ADGRE2: variants seen among roughly 807,000 people sequenced by gnomAD.
ADGRE2 encodes the protein adhesion G protein-coupled receptor E2, also known as CD97 antigen.
In ADGRE2, 83 loss-of-function variants were observed where a neutral mutation model predicts 100.8. That is an observed-to-expected ratio of 0.82 (90% CI 0.69 to 0.99). ADGRE2 has a LOEUF of 0.99. Among genes scored for constraint, ADGRE2 ranks in the 50% least tolerant of loss-of-function variants. The probability of loss-of-function intolerance (pLI) is 0.00; values close to 1 mark genes in which losing one functional copy is unlikely to be tolerated. For synonymous variants in ADGRE2, 355 were observed against 413.0 expected, an observed-to-expected ratio of 0.86 and a Z score of 1.70; for missense variants, 814 against 1,035.7, an observed-to-expected ratio of 0.79 and a Z score of 2.94.
Position 14,752,484 on chromosome 19 carries a change from T to C in ADGRE2, c.1633A>G (p.Ser545Gly). ...VLTVITYMGLSVSLLCLLLAA... is the reference protein window; with the variant it reads ...VLTVITYMGLGVSLLCLLLAA... ...AGGAGGAGGCACAGCAGAGAGACGC[T>C]CAGCCCCATGTAGGTGATGACAGTC... The change falls in exon 15 of 21, where the codon AGC becomes GGC. Residue 545 changes from serine to glycine, a missense_variant. This residue lies in a region of ADGRE2 where 569 missense variants were observed against 692.7 expected (regional missense o/e 0.82). Coordinates refer to ENST00000315576, the MANE Select transcript of ADGRE2 (RefSeq NM_013447.4). The C allele has an allele frequency of 1.2e-6, 2 of 1,614,070 alleles. No homozygotes were observed. The highest frequency in any genetic ancestry group is 2.2e-5 in the East Asian group (1 of 44,870).
At chr19:14,727,088 C>T in the ADGRE2 span, among the ~76,000 whole-genome samples, 9 of 128,938 alleles carry the variant, frequency 7.0e-5, no homozygotes, top group East Asian at 2.4e-4. Context: ...AGTGCAGTGG[C>T]GCAATCTTGG....
At chr19:14,769,575 C>T (rs536473681) in intron 5 of ADGRE2, among the ~76,000 whole-genome samples, 12 of 152,312 alleles carry the variant, frequency 7.9e-5, no homozygotes, top group East Asian at 1.9e-4. Context: ...CTGTTCTGTG[C>T]GGATGGGGTC....
chr19:14,754,901 G>A, intron 14 of ADGRE2, 53 bp downstream of exon 14: 1 of 1,583,692 alleles, frequency 6.3e-7, no homozygotes, highest in Admixed American at 1.7e-5. Context: ...ACGTCTCTGG[G>A]GATTTGTTAC....
chr19:14,752,917 A>C (rs1196353827), intron 14 of ADGRE2, among the ~76,000 whole-genome samples: 1 of 151,942 alleles, frequency 6.6e-6, no homozygotes. Context: ...GATTACAGGC[A>C]CGTGCCTCCA....
At chr19:14,731,215 T>C, downstream of ADGRE2, 1 of 1,532,090 alleles carries the variant, frequency 6.5e-7, no homozygotes, top group African/African-American at 1.4e-5. Context: ...TCCAGTACTC[T>C]CTTGCATGTT....
intron 4 of ADGRE2, among the ~76,000 whole-genome samples, chr19:14,773,353 CCT>C (rs780208361): frequency 6.8e-6 from 1 of 146,044 alleles, no homozygotes; most frequent in African/African-American, 2.5e-5. Context: ...TCCCTCCCTC[CCT>C]CTCTCTCTTT....
chr19:14,733,599 C>T lies in ADGRE2; in HGVS notation c.*2637G>A, dbSNP rs895506285. 6.6e-6 allele frequency: 1 copy of T among 151,596 alleles called. No homozygotes were observed. Among genetic ancestry groups the T allele is most frequent in the African/African-American group, 2.4e-5 (1 of 41,250 alleles). The allele number at this position is 151,596 out of a possible 1,614,324, so 9.4% of individuals were successfully genotyped here. A position where few individuals can be genotyped will look rare whatever the true frequency, so the allele number is the denominator to read the frequency against. Reference sequence around the variant, plus strand: ...TCCCATATAAGCACAACAAAAAAAACACAGAAGCAGTCCAAGCCTCTAAGA... The same window carrying T: ...TCCCATATAAGCACAACAAAAAAAATACAGAAGCAGTCCAAGCCTCTAAGA... On this transcript the variant is annotated 3_prime_UTR_variant, in exon 21 of 21. Transcript: ENST00000315576.
intron 5 of ADGRE2, among the ~76,000 whole-genome samples, chr19:14,770,669 C>CTTTTTTTTTTTTTTTTTTTTTTTTTT (rs775214778): frequency 7.1e-5 from 6 of 84,996 alleles, no homozygotes; most frequent in Admixed American, 1.3e-4. Flanking sequence ...TCTTTCTTTT[C>CTTTTTTTTTTTTTTTTTTTTTTTTTT]TTTTTTTTTT....
In ADGRE2 at chr19:14,736,151, A is replaced by T. The variant is rs1011807518; in HGVS notation, c.*85T>A. 7.9e-7 allele frequency: 1 copy of T among 1,269,912 alleles called. No individual in the cohort carries two copies. Among genetic ancestry groups the T allele is most frequent in the Non-Finnish European group, 1.1e-6 (1 of 882,362 alleles). 78.7% of individuals were successfully genotyped at this position (1,269,912 alleles called of 1,614,324 possible). On this transcript the variant is annotated 3_prime_UTR_variant, in exon 21 of 21. Coordinates refer to ENST00000315576, the MANE Select transcript of ADGRE2 (RefSeq NM_013447.4). The stretch of plus-strand genomic sequence containing the variant: ...GAATTTCTTGAAACACACAGAACAA[A>T]GTCTTTTCTTTCCCCTCTAGATGGC...
intron 1 of ADGRE2, among the ~76,000 whole-genome samples, chr19:14,778,033 TGG>T (rs2044495226): frequency 6.6e-6 from 1 of 152,200 alleles, no homozygotes; most frequent in East Asian, 1.9e-4. Flanking sequence ...CTGAGTCAAA[TGG>T]TATTTCTAGT....
chr19:14,761,135 G>C (rs1435158254), intron 11 of ADGRE2, among the ~76,000 whole-genome samples: 6 of 152,236 alleles, frequency 3.9e-5, no homozygotes, highest in Non-Finnish European at 1.5e-5. Flanking sequence ...CAGGCGTGGT[G>C]TCTCACGCCT....
Position 14,773,971 on chromosome 19 carries a change from C to A in ADGRE2, c.166G>T (p.Glu56Ter). The A allele has an allele frequency of 3.7e-6, 6 of 1,614,048 alleles. No individual in the cohort carries two copies. Among genetic ancestry groups the A allele is most frequent in the Non-Finnish European group, 5.1e-6 (6 of 1,180,020 alleles). The change falls in exon 4 of 21, where the codon GAG becomes TAG. Residue 56 changes from glutamate to a stop codon, truncating the protein, a stop_gained. Coordinates refer to ENST00000315576, the MANE Select transcript of ADGRE2 (RefSeq NM_013447.4). LOFTEE classifies it high-confidence loss of function. ...RCNPGFSSFS[E>*]IITTPMETCD... Reference sequence around the variant, plus strand: ...GTCTCCATGGGGGTGGTGATGATCTCAGAAAAAGAGCTGAACCCTGGATTG... The same window carrying A: ...GTCTCCATGGGGGTGGTGATGATCTAAGAAAAAGAGCTGAACCCTGGATTG...
intron 6 of ADGRE2, 34 bp downstream of exon 6, chr19:14,766,944 G>A (rs8109241): frequency 0.074 from 114,259 of 1,533,756 alleles, 8,558 homozygotes; most frequent in African/African-American, 0.35. Flanking sequence ...CCCAGCTCCC[G>A]TCCAGCCTCA....
chr19:14,746,327 C>T lies in ADGRE2; in HGVS notation c.2092-4G>A. ...CCAGAAAGAGAACTAAATTCACCTT[C>T]AGAAAACCACAGAAGATTTGTTGAA... On this transcript the variant is annotated splice_region_variant and splice_polypyrimidine_tract_variant and intron_variant, in intron 17 of 20. Transcript: ENST00000315576. The T allele has an allele frequency of 6.7e-7, 1 of 1,502,186 alleles. No individual in the cohort carries two copies. The allele number at this position is 1,502,186 out of a possible 1,614,324, so 93.1% of individuals were successfully genotyped here.
At chr19:14,751,921 A>G (rs1382042399) in intron 15 of ADGRE2, among the ~76,000 whole-genome samples, 170 of 58,728 alleles carry the variant, frequency 2.9e-3, no homozygotes, top group African/African-American at 0.016. Flanking sequence ...ACATATATAT[A>G]TATATATATA....
rs1460475861 is a variant in ADGRE2, at chr19:14,743,393, G to A, written c.2463+27C>T. On this transcript the variant is annotated intron_variant, in intron 20 of 20. Coordinates refer to ENST00000315576, the MANE Select transcript of ADGRE2 (RefSeq NM_013447.4). ...CTCCTCAGGTGGGTCGGTTAGTGAA[G>A]TGCTCTGGAGCAATGCGTGATCTTA... 1.9e-6 allele frequency: 3 copies of A among 1,591,004 alleles called. No homozygotes were observed. In the African/African-American group the frequency reaches 4.0e-5, roughly 21 times the overall value.
intron 20 of ADGRE2, among the ~76,000 whole-genome samples, chr19:14,738,692 C>T (rs1273745394): frequency 6.6e-6 from 1 of 151,970 alleles, no homozygotes; most frequent in Non-Finnish European, 1.5e-5. Context: ...TTCCTTTTTT[C>T]CATATCTTTT....
At chr19:14,746,841 G>C (rs1048310091) in intron 17 of ADGRE2, 55 bp downstream of exon 17, 2 of 1,541,048 alleles carry the variant, frequency 1.3e-6, no homozygotes, top group African/African-American at 2.7e-5. Context: ...TTATTATCTT[G>C]TTTTTCTAAT....
intron 11 of ADGRE2, among the ~76,000 whole-genome samples, chr19:14,760,634 G>T: frequency 6.6e-6 from 1 of 151,496 alleles, no homozygotes; most frequent in East Asian, 1.9e-4. Flanking sequence ...AAAAAAATTC[G>T]AAGTCCTCTC....
Sources: allele counts gnomAD v4.1 joint callset (sites outside exome capture counted in the v4.1 genomes callset), GRCh38; gene constraint gnomAD v4.1.1; regional missense constraint gnomAD v4.1.1; transcripts MANE v1.5; gene names NCBI Gene and HGNC (gene_info 2026-07-23, HGNC 2026-07-21).